The following BLNK variants were observed in gnomAD, a reference collection of about 807,000 sequenced individuals.
The protein encoded by BLNK is B cell linker.
BLNK carries 29 observed loss-of-function variants against 73.5 expected under a neutral mutation model. The observed-to-expected ratio is 0.39, with a 90% CI of 0.29 to 0.54. The LOEUF (loss-of-function observed/expected upper bound fraction) is 0.54, where lower values mean the gene tolerates loss of function less well. Among genes scored for constraint, BLNK ranks in the 20% least tolerant of loss-of-function variants. BLNK has a pLI of 0.61. For missense variants in BLNK, 460 were observed against 562.8 expected (o/e 0.82, Z 1.85); for synonymous variants, 176 against 200.8 (o/e 0.88, Z 1.04).
At chr10:96,199,349 C>T (rs2083564081) in intron 15 of BLNK, 1 of 256,226 alleles carries the variant, frequency 3.9e-6, no homozygotes, top group East Asian at 1.0e-4. Flanking sequence ...CATTTACTTC[C>T]AGGTATTTTT....
intron 8 of BLNK, chr10:96,210,144 A>G (rs782041311): frequency 5.7e-5 from 32 of 560,498 alleles, no homozygotes; most frequent in Non-Finnish European, 1.0e-4. Context: ...TAGGGACTCC[A>G]CCTTAACATT....
chr10:96,192,226 T>A, intron 16 of BLNK, 134 bp from the exon 17 acceptor site: 1 of 1,277,690 alleles, frequency 7.8e-7, no homozygotes, highest in Non-Finnish European at 1.1e-6. Context: ...CAAAAAAATC[T>A]AGTTTAACAA....
intron 3 of BLNK, among the ~76,000 whole-genome samples, chr10:96,241,205 A>AAAAAT (rs782066088): frequency 7.9e-5 from 12 of 152,268 alleles, no homozygotes; most frequent in Non-Finnish European, 1.8e-4. Flanking sequence ...CAGTGGCCGA[A>AAAAAT]AAAATAAAAT....
intron 3 of BLNK, among the ~76,000 whole-genome samples, chr10:96,239,648 A>T (rs1322731271): frequency 3.9e-5 from 6 of 152,206 alleles, no homozygotes; most frequent in African/African-American, 1.4e-4. Flanking sequence ...AAAATATTTA[A>T]GAGGCATTTA....
chr10:96,205,497 C>T (rs587595695), intron 11 of BLNK, among the ~76,000 whole-genome samples: 1 of 152,350 alleles, frequency 6.6e-6, no homozygotes, highest in South Asian at 2.1e-4. Context: ...GCTTGGAAAC[C>T]TTGAACCTCT....
chr10:96,246,445 G>A (rs1037907361), intron 2 of BLNK, among the ~76,000 whole-genome samples: 6 of 152,140 alleles, frequency 3.9e-5, no homozygotes, highest in South Asian at 2.1e-4. Flanking sequence ...CCAGCTATTC[G>A]CTGGGCCGAG....
At chr10:96,226,502 G>A (rs1367095308) in intron 5 of BLNK, among the ~76,000 whole-genome samples, 3 of 152,102 alleles carry the variant, frequency 2.0e-5, no homozygotes, top group African/African-American at 7.2e-5. Flanking sequence ...GAACCTTTGG[G>A]GAACTTAGTC....
intron 1 of BLNK, among the ~76,000 whole-genome samples, chr10:96,270,408 G>C (rs1844219417): frequency 6.6e-6 from 1 of 152,064 alleles, no homozygotes; most frequent in Non-Finnish European, 1.5e-5. Flanking sequence ...CTAATATGTA[G>C]TCAGAATAGA....
At chr10:96,256,734 G>A (rs1359247024) in intron 1 of BLNK, among the ~76,000 whole-genome samples, 1 of 151,898 alleles carries the variant, frequency 6.6e-6, no homozygotes, top group African/African-American at 2.4e-5. Flanking sequence ...TAGAAAAATC[G>A]GCTGGCAGTG....
At chr10:96,238,074 G>C (rs1842760215) in intron 3 of BLNK, among the ~76,000 whole-genome samples, 1 of 152,206 alleles carries the variant, frequency 6.6e-6, no homozygotes, top group Non-Finnish European at 1.5e-5. Flanking sequence ...GTTCCTTAGG[G>C]GCGATGTTTC....
chr10:96,265,100 C>T (rs1333345942), intron 1 of BLNK, among the ~76,000 whole-genome samples: 4 of 151,108 alleles, frequency 2.6e-5, no homozygotes, highest in South Asian at 2.1e-4. Context: ...GGACTGCAGA[C>T]GCATGCCACC....
chr10:96,223,698 TG>T, intron 6 of BLNK, 127 bp downstream of exon 6: 1 of 1,128,516 alleles, frequency 8.9e-7, no homozygotes, highest in Non-Finnish European at 1.3e-6. Context: ...GGTATAATAG[TG>T]GAGAGTTAGA....
intron 2 of BLNK, among the ~76,000 whole-genome samples, chr10:96,244,208 A>C (rs782579140): frequency 5.6e-4 from 85 of 152,254 alleles, no homozygotes; most frequent in Middle Eastern, 3.4e-3. Flanking sequence ...TCCCATGATG[A>C]GGTATAGAGA....
At chr10:96,213,201 G>A (rs1591313852) in intron 8 of BLNK, among the ~76,000 whole-genome samples, 1 of 152,174 alleles carries the variant, frequency 6.6e-6, no homozygotes, top group South Asian at 2.1e-4. Context: ...GCCAGATCCT[G>A]GGGTAGGCCC....
intron 8 of BLNK, 115 bp downstream of exon 8, chr10:96,215,206 C>T (rs2084036115): frequency 4.2e-6 from 5 of 1,186,422 alleles, no homozygotes; most frequent in South Asian, 1.2e-5. Context: ...GAGGACTGGC[C>T]TTCTGTTCCC....
intron 1 of BLNK, among the ~76,000 whole-genome samples, chr10:96,252,723 G>A (rs1843335493): frequency 6.6e-6 from 1 of 152,202 alleles, no homozygotes; most frequent in Non-Finnish European, 1.5e-5. Context: ...TGGAGATGAA[G>A]TGACTGCAGG....
At chr10:96,267,691 T>C (rs1554914588) in intron 1 of BLNK, among the ~76,000 whole-genome samples, 1 of 152,170 alleles carries the variant, frequency 6.6e-6, no homozygotes, top group East Asian at 1.9e-4. Flanking sequence ...GTTTGTCACA[T>C]CTGCAGTCCA....
In BLNK at chr10:96,200,078, G is replaced by C. The variant is rs782434041; in HGVS notation, c.1092C>G (p.Asn364Lys). ...KSAEEALHRS[N>K]KDGSFLIRKS... Reference sequence around the variant, plus strand: ...TAAATAATAAAAATGATCAGACCTTGTTTGATCTGTGCAATGCCTCTTCAG... The same window carrying C: ...TAAATAATAAAAATGATCAGACCTTCTTTGATCTGTGCAATGCCTCTTCAG... Residue 364 changes from asparagine to lysine, a missense_variant, in exon 15 of 17, where the codon AAC becomes AAG. Physicochemically the swap from Asn to Lys is moderately conservative, Grantham distance 94. Coordinates refer to ENST00000224337, the MANE Select transcript of BLNK (RefSeq NM_013314.4). The surrounding 1 kb of genome is among the most constrained non-coding windows in gnomAD (Gnocchi z 4.3). 6.2e-7 allele frequency: 1 copy of C among 1,604,076 alleles called. No homozygotes were observed. The highest frequency in any genetic ancestry group is 8.5e-7 in the Non-Finnish European group (1 of 1,173,740).
chr10:96,261,408 A>G (rs1843749871), intron 1 of BLNK, among the ~76,000 whole-genome samples: 1 of 152,230 alleles, frequency 6.6e-6, no homozygotes. Flanking sequence ...TGAAGCAGTC[A>G]TTGGCAATTT....
Sources: allele counts gnomAD v4.1 joint callset (sites outside exome capture counted in the v4.1 genomes callset), GRCh38; gene constraint gnomAD v4.1.1; non-coding constraint Gnocchi (gnomAD v3.1); transcripts MANE v1.5; gene names NCBI Gene and HGNC (gene_info 2026-07-23, HGNC 2026-07-21).